NEDD4L: variants seen among roughly 807,000 people sequenced by gnomAD.
NEDD4L encodes the protein E3 ubiquitin-protein ligase NEDD4-like.
Under a neutral mutation model 148.9 loss-of-function variants are expected in NEDD4L, and 54 were observed. That is an observed-to-expected ratio of 0.36 (90% CI 0.29 to 0.45). The LOEUF (loss-of-function observed/expected upper bound fraction) is 0.45, where lower values mean the gene tolerates loss of function less well. Ranked by LOEUF, NEDD4L falls within the 20% of genes least tolerant of loss-of-function variation. NEDD4L has a pLI of 1.00. For missense variants in NEDD4L, 856 were observed against 1,233.8 expected (o/e 0.69, Z 4.59); for synonymous variants, 433 against 440.7 (o/e 0.98, Z 0.22).
chr18:58,175,330 TG>T (rs71173038), intron 2 of NEDD4L, among the ~76,000 whole-genome samples: 38,493 of 152,154 alleles, frequency 0.25, 5,752 homozygotes, highest in East Asian at 0.43. Flanking sequence ...GTTGTTTTCA[TG>T]GGGGCTGGTT....
chr18:58,094,649 C>A (rs76616988), intron 1 of NEDD4L, among the ~76,000 whole-genome samples: 12,840 of 152,142 alleles, frequency 0.084, 628 homozygotes, highest in Admixed American at 0.15. Flanking sequence ...GTAATCACAC[C>A]TCAGAGCCCT....
At chr18:58,206,939 C>T (rs2042042779) in intron 2 of NEDD4L, among the ~76,000 whole-genome samples, 1 of 152,214 alleles carries the variant, frequency 6.6e-6, no homozygotes, top group Non-Finnish European at 1.5e-5. Context: ...TCCAAAGGCA[C>T]TCAGTTCTCC....
In NEDD4L at chr18:58,256,331, C is replaced by T; in HGVS notation, c.297+4277C>T. On this transcript the variant is annotated intron_variant, in intron 5 of 30. Coordinates refer to ENST00000400345, the MANE Select transcript of NEDD4L (RefSeq NM_001144967.3). The surrounding 1 kb of genome is among the most constrained non-coding windows in gnomAD (Gnocchi z 5.2). ...CAGGCGCTGGTCCCTGCAGCACGTT[C>T]CAGATGCTTCTGGAAGCTCTGGGAA... is the stretch of plus-strand genomic sequence containing the variant. 3.2e-6 allele frequency: 4 copies of T among 1,232,040 alleles called. No homozygotes were observed. The highest frequency in any genetic ancestry group is 4.0e-6 in the Non-Finnish European group (4 of 987,934). 76.3% of individuals were successfully genotyped at this position (1,232,040 alleles called of 1,614,324 possible).
intron 13 of NEDD4L, among the ~76,000 whole-genome samples, chr18:58,336,634 C>G (rs895530448): frequency 2.0e-5 from 3 of 152,040 alleles, no homozygotes; most frequent in Non-Finnish European, 4.4e-5. Flanking sequence ...GCTATAACTG[C>G]TCATTACTTG....
At chr18:58,296,796 C>T (rs756931236) in intron 5 of NEDD4L, among the ~76,000 whole-genome samples, 24 of 152,178 alleles carry the variant, frequency 1.6e-4, no homozygotes, top group Non-Finnish European at 2.9e-4. Context: ...GTGGTACGCA[C>T]CTATAATTCC....
intron 24 of NEDD4L, 103 bp downstream of exon 24, chr18:58,373,372 C>A: frequency 1.5e-6 from 1 of 683,404 alleles, no homozygotes; most frequent in Non-Finnish European, 2.7e-6. Context: ...AAACAACCAG[C>A]AGGAGCTGCA....
At chr18:58,349,713 G>T in intron 17 of NEDD4L, 99 bp downstream of exon 17, 1 of 904,968 alleles carries the variant, frequency 1.1e-6, no homozygotes, top group South Asian at 1.5e-5. Flanking sequence ...CTATCTCCAG[G>T]CTTTGTGGAT....
intron 1 of NEDD4L, among the ~76,000 whole-genome samples, chr18:58,135,126 G>A (rs899401710): frequency 3.3e-5 from 5 of 151,744 alleles, no homozygotes; most frequent in African/African-American, 7.3e-5. Flanking sequence ...AGGGCTGGCC[G>A]CCTTATTTGG....
chr18:58,174,361 C>T (rs1037835170), intron 2 of NEDD4L, among the ~76,000 whole-genome samples: 4 of 152,104 alleles, frequency 2.6e-5, no homozygotes, highest in Non-Finnish European at 4.4e-5. Context: ...CAGAAGTTCT[C>T]GCTCTGGTTC....
intron 2 of NEDD4L, among the ~76,000 whole-genome samples, chr18:58,203,986 A>G (rs2041714114): frequency 6.6e-6 from 1 of 152,222 alleles, no homozygotes; most frequent in Non-Finnish European, 1.5e-5. Flanking sequence ...GAAAATAACC[A>G]GTTTCATAGA....
At chr18:58,090,170 C>T (rs1008902722) in intron 1 of NEDD4L, among the ~76,000 whole-genome samples, 2 of 152,158 alleles carry the variant, frequency 1.3e-5, no homozygotes, top group Non-Finnish European at 2.9e-5. Context: ...TGGGCTTTAT[C>T]TGTGGTTCTT....
At chr18:58,309,265 G>A (rs1293148657) in intron 5 of NEDD4L, among the ~76,000 whole-genome samples, 2 of 152,090 alleles carry the variant, frequency 1.3e-5, no homozygotes, top group African/African-American at 4.8e-5. Flanking sequence ...CTCCCGTGCT[G>A]GCCACTCCTG....
intron 1 of NEDD4L, among the ~76,000 whole-genome samples, chr18:58,095,239 C>A (rs2084315287): frequency 6.6e-6 from 1 of 152,192 alleles, no homozygotes; most frequent in African/African-American, 2.4e-5. Context: ...CTGTGCTTGG[C>A]ACCCAGGGCC....
At position 58,072,876 on chromosome 18, in the gene NEDD4L, A is replaced by G. The variant is rs544604919; in HGVS notation, c.48+28168A>G. On this transcript the variant is annotated intron_variant, in intron 1 of 30. Transcript: ENST00000400345. ...TCCTAAGGCGCGCGCGCGCGCGCAC[A>G]CACACACACACACACACACACACAC... Among the ~76,000 whole-genome samples the G allele has an allele frequency of 5.0e-3, 425 of 85,318 alleles. 3 individuals carry two copies. The highest frequency in any genetic ancestry group is 0.011 in the East Asian group (37 of 3,418). The allele number at this position is 85,318 out of a possible 152,430, so 56.0% of individuals were successfully genotyped here.
At chr18:58,296,540 T>TG (rs1336792424) in intron 5 of NEDD4L, among the ~76,000 whole-genome samples, 3 of 152,244 alleles carry the variant, frequency 2.0e-5, no homozygotes, top group African/African-American at 4.8e-5. Flanking sequence ...CTCCAGCTTC[T>TG]GGGGGCTGCC....
intron 2 of NEDD4L, among the ~76,000 whole-genome samples, chr18:58,224,285 T>A (rs2044107541): frequency 6.6e-6 from 1 of 152,204 alleles, no homozygotes; most frequent in Admixed American, 6.5e-5. Flanking sequence ...TGGTCATAGA[T>A]TCTTGGGCAG....
At chr18:58,383,766 T>C (rs1487308233) in intron 25 of NEDD4L, among the ~76,000 whole-genome samples, 1 of 152,256 alleles carries the variant, frequency 6.6e-6, no homozygotes, top group African/African-American at 2.4e-5. Context: ...GAATTCAGCA[T>C]GTGCAACCCT....
chr18:58,229,143 C>G (rs892945353), intron 2 of NEDD4L, among the ~76,000 whole-genome samples: 3 of 152,032 alleles, frequency 2.0e-5, no homozygotes, highest in African/African-American at 7.2e-5. Context: ...ACCTATTTAC[C>G]TTTTAGAACT....
At chr18:58,172,033 G>T (rs918254198) in intron 2 of NEDD4L, among the ~76,000 whole-genome samples, 1 of 152,078 alleles carries the variant, frequency 6.6e-6, no homozygotes, top group African/African-American at 2.4e-5. Context: ...CTACTTGGGG[G>T]TACATGAGGC....
Sources: allele counts gnomAD v4.1 joint callset (sites outside exome capture counted in the v4.1 genomes callset), GRCh38; gene constraint gnomAD v4.1.1; non-coding constraint Gnocchi (gnomAD v3.1); transcripts MANE v1.5; gene names NCBI Gene and HGNC (gene_info 2026-07-23, HGNC 2026-07-21).